Variants in USP33 observed in about 807,000 individuals in gnomAD.
USP33 encodes ubiquitin specific peptidase 33, also known as ubiquitin carboxyl-terminal hydrolase 33.
A neutral mutation model predicts 124.2 loss-of-function variants in USP33; 46 were observed. The ratio of observed to expected loss-of-function variants is 0.37; its 90% CI spans 0.29 to 0.47. The LOEUF (loss-of-function observed/expected upper bound fraction) is 0.47. Among genes scored for constraint, USP33 ranks in the 20% least tolerant of loss-of-function variants. The pLI, the probability that USP33 is intolerant of heterozygous loss-of-function variation, is 0.99. For synonymous variants in USP33, 350 were observed against 352.3 expected (o/e 0.99, Z 0.07); for missense variants, 851 against 1,070.6 (o/e 0.79, Z 2.86).
intron 15 of USP33, chr1:77,720,317 T>C (rs977376093): frequency 3.0e-6 from 3 of 985,254 alleles, no homozygotes; most frequent in Admixed American, 6.2e-5. Context: ...TTTTCCATCT[T>C]CACTGTTATC....
At chr1:77,717,202 T>C (rs1274954981) in intron 17 of USP33, among the ~76,000 whole-genome samples, 3 of 150,600 alleles carry the variant, frequency 2.0e-5, no homozygotes, top group Non-Finnish European at 4.4e-5. Context: ...ATAAAAATCA[T>C]GTTAGGGCCA....
intron 7 of USP33, among the ~76,000 whole-genome samples, chr1:77,732,358 T>G (rs1307992214): frequency 2.0e-5 from 3 of 152,130 alleles, no homozygotes; most frequent in Non-Finnish European, 1.5e-5. Context: ...CTTCACTCTT[T>G]TCCTACCACC....
chr1:77,710,440 TGACA>T (rs1281493933), intron 21 of USP33, among the ~76,000 whole-genome samples: 1 of 152,358 alleles, frequency 6.6e-6, no homozygotes, highest in East Asian at 1.9e-4. Context: ...AATCAAATCC[TGACA>T]GACACAGTCA....
chr1:77,726,758 T>A (rs1200692864), intron 10 of USP33, among the ~76,000 whole-genome samples: 1 of 152,076 alleles, frequency 6.6e-6, no homozygotes, highest in Non-Finnish European at 1.5e-5. Flanking sequence ...TCAAGAAATG[T>A]AGGTATAAAG....
At chr1:77,723,550 C>T (rs1339500155) in intron 11 of USP33, 107 bp from the exon 12 acceptor site, 2 of 685,742 alleles carry the variant, frequency 2.9e-6, no homozygotes, top group Non-Finnish European at 4.8e-6. Context: ...CTCTAGAATC[C>T]TTAAACTGTA....
intron 1 of USP33, among the ~76,000 whole-genome samples, chr1:77,748,389 G>A (rs1368780084): frequency 6.6e-6 from 1 of 151,868 alleles, no homozygotes; most frequent in Non-Finnish European, 1.5e-5. Context: ...GGTCTTGATG[G>A]GCTGGGCATG....
chr1:77,704,114 CAAA>C (rs58081679), intron 21 of USP33, among the ~76,000 whole-genome samples: 1 of 117,352 alleles, frequency 8.5e-6, no homozygotes. Context: ...CAACTTGTCT[CAAA>C]AAAAAAAAAA....
intron 12 of USP33, among the ~76,000 whole-genome samples, chr1:77,722,727 T>C (rs968033002): frequency 6.6e-6 from 1 of 152,226 alleles, no homozygotes; most frequent in African/African-American, 2.4e-5. Flanking sequence ...AACACAATAA[T>C]TGAAATCTTC....
At chr1:77,716,544 T>C (rs1020813883) in intron 17 of USP33, among the ~76,000 whole-genome samples, 4 of 152,154 alleles carry the variant, frequency 2.6e-5, no homozygotes, top group East Asian at 3.9e-4. Context: ...TACAGATTAA[T>C]TGACAAAGCC....
chr1:77,752,809 G>A (rs769574692), intron 1 of USP33, among the ~76,000 whole-genome samples: 12 of 152,136 alleles, frequency 7.9e-5, no homozygotes, highest in Non-Finnish European at 1.5e-4. Flanking sequence ...TGGGCGTGGT[G>A]GCTCACACCT....
chr1:77,734,527 A>G (rs1409393819), intron 6 of USP33, 111 bp from the exon 7 acceptor site: 1 of 659,534 alleles, frequency 1.5e-6, no homozygotes, highest in Non-Finnish European at 2.6e-6. Context: ...GAAATACAAT[A>G]TAGCAACTTG....
chr1:77,711,122 G>C (rs779677258), intron 21 of USP33, among the ~76,000 whole-genome samples: 1 of 151,510 alleles, frequency 6.6e-6, no homozygotes, highest in Non-Finnish European at 1.5e-5. Context: ...AGTCTGGATA[G>C]ACTACAGACA....
intron 21 of USP33, among the ~76,000 whole-genome samples, chr1:77,708,951 T>C (rs1674935436): frequency 6.6e-6 from 1 of 152,116 alleles, no homozygotes; most frequent in South Asian, 2.1e-4. Flanking sequence ...CTCCTGAATA[T>C]CTGGAACTTA....
Position 77,727,298 on chromosome 1 carries a change from T to C in USP33, c.1135+997A>G, listed in dbSNP as rs563172308. Among the ~76,000 whole-genome samples the C allele has an allele frequency of 2.6e-5, 4 of 152,342 alleles. No homozygotes were observed. In the East Asian group the frequency reaches 7.7e-4, roughly 29 times the overall value. On this transcript the variant is annotated intron_variant, in intron 10 of 23. Transcript: ENST00000370794. ...GATTTAGGTCATCCCCTTGTTACTA[T>C]GTGTAAGAACAAACCTGTTACAGAG...
At chr1:77,711,692 A>G in intron 21 of USP33, 55 bp downstream of exon 21, 4 of 1,574,888 alleles carry the variant, frequency 2.5e-6, no homozygotes, top group Non-Finnish European at 3.4e-6. Context: ...AACTCTGATA[A>G]TTGTCAGGTC....
chr1:77,718,802 G>A, intron 15 of USP33, 161 bp from the exon 16 acceptor site: 2 of 570,294 alleles, frequency 3.5e-6, no homozygotes, highest in Non-Finnish European at 6.3e-6. Context: ...GGTGGCACAT[G>A]CCTGTAGTCC....
chr1:77,735,034 A>T (rs1678272844), intron 6 of USP33, among the ~76,000 whole-genome samples: 2 of 152,090 alleles, frequency 1.3e-5, no homozygotes, highest in South Asian at 4.2e-4. Flanking sequence ...GAAGCAGGAG[A>T]ATGGTGTGAA....
chr1:77,734,906 G>A (rs1166784938), intron 6 of USP33, among the ~76,000 whole-genome samples: 2 of 152,088 alleles, frequency 1.3e-5, no homozygotes, highest in Non-Finnish European at 2.9e-5. Context: ...GGTGGATCAC[G>A]AGGTCAGGAG....
chr1:77,697,536 C>T, intron 23 of USP33, 62 bp from the exon 24 acceptor site: 2 of 1,504,646 alleles, frequency 1.3e-6, no homozygotes, highest in Non-Finnish European at 1.8e-6. Context: ...CAAAAGCGTT[C>T]ATAATGTACC....
Sources: gnomAD v4.1 joint callset for allele counts (sites outside exome capture counted in the v4.1 genomes callset) on GRCh38, gnomAD v4.1.1 for gene constraint, MANE v1.5 for transcripts, NCBI Gene and HGNC (gene_info 2026-07-23, HGNC 2026-07-21) for gene names.